The following KCNQ1 variants were observed in gnomAD, a reference collection of about 807,000 sequenced individuals.
The protein encoded by KCNQ1 is potassium voltage-gated channel subfamily Q member 1, also known as potassium voltage-gated channel subfamily KQT member 1.
KCNQ1 carries 49 observed loss-of-function variants against 72.4 expected under a neutral mutation model. The observed-to-expected ratio is 0.68, with a 90% CI of 0.54 to 0.86. The LOEUF (loss-of-function observed/expected upper bound fraction) is 0.86, where lower values mean the gene tolerates loss of function less well. Among genes scored for constraint, KCNQ1 ranks in the 40% least tolerant of loss-of-function variants. The pLI is 0.00. For synonymous variants in KCNQ1, 450 were observed against 412.6 expected (o/e 1.09, Z -1.10); for missense variants, 790 against 945.1 (o/e 0.84, Z 2.15).
Position 2,613,610 on chromosome 11 carries a change from T to C in KCNQ1, c.1393+24756T>C, listed in dbSNP as rs1325521720. The C allele has an allele frequency of 7.5e-6, 3 of 398,488 alleles. No individual in the cohort carries two copies. The highest frequency in any genetic ancestry group is 1.3e-5 in the Non-Finnish European group (3 of 226,066). 24.7% of individuals were successfully genotyped at this position (398,488 alleles called of 1,614,324 possible). A position where few individuals can be genotyped will look rare whatever the true frequency, so the allele number is the denominator to read the frequency against. On this transcript the variant is annotated intron_variant, in intron 10 of 15. Transcript: ENST00000155840. This position sits in a 1 kb window ranked among gnomAD's most constrained non-coding sequence, Gnocchi z 4.8. The stretch of plus-strand genomic sequence containing the variant: ...CACTTTTCAATTTTATATTTCTTTG[T>C]CCAGTTTTATCATTGCTTTTCAGGG...
rs189336882 is a variant in KCNQ1 at position 2,491,030 on chromosome 11, G to T, written c.387-36898G>T. On this transcript the variant is annotated intron_variant, in intron 1 of 15. Transcript: ENST00000155840. This position sits in a 1 kb window ranked among gnomAD's most constrained non-coding sequence, Gnocchi z 4.1. Reference sequence around the variant, plus strand: ...CCCAAGGCAGTATTTTTATGAGTCTGCAAGAACCACAGTGTTACTGGGCTT... The same window carrying T: ...CCCAAGGCAGTATTTTTATGAGTCTTCAAGAACCACAGTGTTACTGGGCTT... 6.6e-5 allele frequency among the ~76,000 whole-genome samples: 10 copies of T among 152,278 alleles called. No homozygotes were observed. In the Middle Eastern group the frequency reaches 0.01, roughly 155 times the overall value.
chr11:2,721,731 A>T (rs1851205700), intron 11 of KCNQ1, among the ~76,000 whole-genome samples: 1 of 152,214 alleles, frequency 6.6e-6, no homozygotes, highest in Non-Finnish European at 1.5e-5. Context: ...CTCTTCCGAC[A>T]GCAGCGGTGG....
intron 10 of KCNQ1, chr11:2,634,542 G>A (rs1849423431): frequency 6.6e-6 from 1 of 152,262 alleles, no homozygotes; most frequent in African/African-American, 2.4e-5. Flanking sequence ...GTATTCCATG[G>A]TGTGTATGTG....
intron 13 of KCNQ1, among the ~76,000 whole-genome samples, chr11:2,776,636 T>C (rs1171444535): frequency 6.6e-6 from 1 of 152,108 alleles, no homozygotes; most frequent in East Asian, 1.9e-4. Context: ...ACTAGCTCCG[T>C]GTGTTACAGG....
chr11:2,612,296 A>G lies in KCNQ1; in HGVS notation c.1393+23442A>G. 2.5e-6 allele frequency: 1 copy of G among 398,600 alleles called. No homozygotes were observed. The highest frequency in any genetic ancestry group is 4.4e-6 in the Non-Finnish European group (1 of 226,078). 24.7% of individuals were successfully genotyped at this position (398,600 alleles called of 1,614,324 possible). ...AGCATGTGAGGGATCTAGGTTGTGC[A>G]CTCCGTATGAGAATCTAACTAAAGC... On this transcript the variant is annotated intron_variant, in intron 10 of 15. Coordinates refer to ENST00000155840, the MANE Select transcript of KCNQ1 (RefSeq NM_000218.3). The surrounding 1 kb of genome is among the most constrained non-coding windows in gnomAD (Gnocchi z 5.5).
chr11:2,733,774 C>CA (rs1845891956), intron 11 of KCNQ1, among the ~76,000 whole-genome samples: 41 of 57,548 alleles, frequency 7.1e-4, no homozygotes, highest in African/African-American at 9.2e-4. Flanking sequence ...TTCAGGCCTT[C>CA]CACACACACA....
At chr11:2,771,095 C>G (rs1008553612) in intron 12 of KCNQ1, among the ~76,000 whole-genome samples, 1 of 152,252 alleles carries the variant, frequency 6.6e-6, no homozygotes, top group Non-Finnish European at 1.5e-5. Flanking sequence ...CAGAGCAGGT[C>G]CCAGCAGGGC....
At chr11:2,546,141 A>G (rs1847900152) in intron 2 of KCNQ1, among the ~76,000 whole-genome samples, 1 of 151,952 alleles carries the variant, frequency 6.6e-6, no homozygotes, top group South Asian at 2.1e-4. Flanking sequence ...ATAAACATCC[A>G]CAAATTTTGT....
Position 2,483,181 on chromosome 11 carries a change from C to T in KCNQ1, c.386+37697C>T, listed in dbSNP as rs1454685436. Reference sequence around the variant, plus strand: ...GAACGTGCTTGGTGCATGTGAAGAACTGTGCAGGGAAGGTGCTGGAGATAG... The same window carrying T: ...GAACGTGCTTGGTGCATGTGAAGAATTGTGCAGGGAAGGTGCTGGAGATAG... On this transcript the variant is annotated intron_variant, in intron 1 of 15. Coordinates refer to ENST00000155840, the MANE Select transcript of KCNQ1 (RefSeq NM_000218.3). The surrounding 1 kb of genome is among the most constrained non-coding windows in gnomAD (Gnocchi z 6.1). 6.6e-6 allele frequency among the ~76,000 whole-genome samples: 1 copy of T among 152,106 alleles called. No individual in the cohort carries two copies. The highest frequency in any genetic ancestry group is 2.4e-5 in the African/African-American group (1 of 41,410).
chr11:2,631,594 C>G, intron 10 of KCNQ1: 2 of 398,204 alleles, frequency 5.0e-6, no homozygotes, highest in Non-Finnish European at 8.9e-6. Context: ...GGAGTCAGTC[C>G]CTGAAAATTA....
At chr11:2,513,103 C>T (rs1156312467) in intron 1 of KCNQ1, among the ~76,000 whole-genome samples, 1 of 152,070 alleles carries the variant, frequency 6.6e-6, no homozygotes, top group African/African-American at 2.4e-5. Context: ...TGATGCTGTG[C>T]TGCGCTCTGG....
intron 11 of KCNQ1, among the ~76,000 whole-genome samples, chr11:2,736,470 C>T (rs575215545): frequency 7.9e-5 from 12 of 152,228 alleles, no homozygotes; most frequent in Non-Finnish European, 1.6e-4. Flanking sequence ...TGGGGTTAGA[C>T]GGTGGCCCCC....
At position 2,563,048 on chromosome 11, in the gene KCNQ1, G is replaced by A. The variant is rs1287649936; in HGVS notation, c.478-7580G>A. Among the ~76,000 whole-genome samples the A allele has an allele frequency of 6.6e-6, 1 of 152,194 alleles. No individual in the cohort carries two copies. Among genetic ancestry groups the A allele is most frequent in the Non-Finnish European group, 1.5e-5 (1 of 68,036 alleles). ...TATATTTCATCCAGAGAGACAGGAT[G>A]TGAGCGCAGCTGGTCAGAACCAGTT... On this transcript the variant is annotated intron_variant, in intron 2 of 15. Coordinates refer to ENST00000155840, the MANE Select transcript of KCNQ1 (RefSeq NM_000218.3). This position sits in a 1 kb window ranked among gnomAD's most constrained non-coding sequence, Gnocchi z 7.4.
Position 2,657,707 on chromosome 11 carries a change from C to T in KCNQ1, c.1394-4254C>T, listed in dbSNP as rs1283949887. On this transcript the variant is annotated intron_variant, in intron 10 of 15. Coordinates refer to ENST00000155840, the MANE Select transcript of KCNQ1 (RefSeq NM_000218.3). This position sits in a 1 kb window ranked among gnomAD's most constrained non-coding sequence, Gnocchi z 4.8. ...TCTGTTCCAAGATCCCATCTAGGAT[C>T]GATCATTACATTTATTGTCATCTCT... The T allele has an allele frequency of 7.5e-6, 3 of 398,482 alleles. No individual in the cohort carries two copies. The highest frequency in any genetic ancestry group is 7.1e-5 in the East Asian group (2 of 28,086). 24.7% of individuals were successfully genotyped at this position (398,482 alleles called of 1,614,324 possible).
chr11:2,506,377 G>T (rs1384883843), intron 1 of KCNQ1, among the ~76,000 whole-genome samples: 1 of 152,098 alleles, frequency 6.6e-6, no homozygotes, highest in African/African-American at 2.4e-5. Context: ...TCAGTTCGTG[G>T]GGTCCTTCCA....
Position 2,848,287 on chromosome 11 carries a change from G to T in KCNQ1, c.*284G>T. On this transcript the variant is annotated 3_prime_UTR_variant, in exon 16 of 16. Coordinates refer to ENST00000155840, the MANE Select transcript of KCNQ1 (RefSeq NM_000218.3). ...TGATGTTGACATCACTGGCATGGTG[G>T]TTGGGACCCAGTGGCAGGGCACAGG... is the stretch of plus-strand genomic sequence containing the variant. The T allele has an allele frequency of 1.6e-6, 1 of 640,076 alleles. No individual in the cohort carries two copies. The highest frequency in any genetic ancestry group is 2.9e-6 in the Non-Finnish European group (1 of 347,532). 39.6% of individuals were successfully genotyped at this position (640,076 alleles called of 1,614,324 possible). A position where few individuals can be genotyped will look rare whatever the true frequency, so the allele number is the denominator to read the frequency against.
In KCNQ1 at chr11:2,787,223, G is replaced by C. The variant is rs901231988; in HGVS notation, c.1794+9186G>C. Among the ~76,000 whole-genome samples the C allele has an allele frequency of 2.0e-5, 3 of 152,124 alleles. No homozygotes were observed. Among genetic ancestry groups the C allele is most frequent in the Non-Finnish European group, 4.4e-5 (3 of 68,028 alleles). ...AGAACTTGTTCTCCTTCTCTTAGCA[G>C]TAATGCAGTTTTCTTTACAATCTTC... is the stretch of plus-strand genomic sequence containing the variant. On this transcript the variant is annotated intron_variant, in intron 15 of 15. Coordinates refer to ENST00000155840, the MANE Select transcript of KCNQ1 (RefSeq NM_000218.3). This position sits in a 1 kb window ranked among gnomAD's most constrained non-coding sequence, Gnocchi z 6.3.
rs201723520 is a variant in KCNQ1 at position 2,515,026 on chromosome 11, GT to G, written c.387-12895del. ...CTGCCTGCTTCCTCAAGTCTTTCTT[GT>G]TTTTTTATGTTATTTTATTTTAGAT... On this transcript the variant is annotated intron_variant, in intron 1 of 15. Coordinates refer to ENST00000155840, the MANE Select transcript of KCNQ1 (RefSeq NM_000218.3). The surrounding 1 kb of genome is among the most constrained non-coding windows in gnomAD (Gnocchi z 4.7). Among the ~76,000 whole-genome samples the G allele has an allele frequency of 6.6e-6, 1 of 152,134 alleles. No homozygotes were observed. The highest frequency in any genetic ancestry group is 6.5e-5 in the Admixed American group (1 of 15,276).
chr11:2,569,618 G>T (rs190537339), intron 2 of KCNQ1, among the ~76,000 whole-genome samples: 4 of 152,286 alleles, frequency 2.6e-5, no homozygotes, highest in East Asian at 1.9e-4. Context: ...TCTCACACGT[G>T]GGGGCTGGTT....
Sources: gnomAD v4.1 joint callset for allele counts (sites outside exome capture counted in the v4.1 genomes callset) on GRCh38, gnomAD v4.1.1 for gene constraint, Gnocchi (gnomAD v3.1) non-coding constraint, MANE v1.5 for transcripts, NCBI Gene and HGNC (gene_info 2026-07-23, HGNC 2026-07-21) for gene names.